Variants in SLC9A8 observed in about 807,000 individuals in gnomAD.
SLC9A8 encodes solute carrier family 9 member A8.
A neutral mutation model predicts 66.6 loss-of-function variants in SLC9A8; 48 were observed. That is an observed-to-expected ratio of 0.72 (90% CI 0.57 to 0.92). The LOEUF is 0.92. SLC9A8 is among the 40% of genes least tolerant of loss of function. The probability of loss-of-function intolerance (pLI) is 0.00; values close to 1 mark genes in which losing one functional copy is unlikely to be tolerated. For synonymous variants in SLC9A8, 274 were observed against 282.6 expected (o/e 0.97, Z 0.31); for missense variants, 599 against 747.3 (o/e 0.80, Z 2.31).
intron 10 of SLC9A8, among the ~76,000 whole-genome samples, chr20:49,874,092 A>C (rs751239549): frequency 3.3e-5 from 5 of 152,162 alleles, no homozygotes; most frequent in Admixed American, 6.5e-5. Context: ...TCTACTAAAA[A>C]TACAAAAAAT....
At chr20:49,857,434 A>G (rs1281037496) in intron 8 of SLC9A8, among the ~76,000 whole-genome samples, 3 of 152,222 alleles carry the variant, frequency 2.0e-5, no homozygotes, top group Non-Finnish European at 1.5e-5. Flanking sequence ...AAGGTACTAC[A>G]GGGCTGGGCG....
In SLC9A8 at chr20:49,823,179, A is replaced by G. The variant is rs199863462; in HGVS notation, c.289+38A>G. On this transcript the variant is annotated intron_variant, in intron 3 of 15. Transcript: ENST00000361573. ...TGGTGATTCCATAATAAAAGCAGTA[A>G]CAATAACTACCATTTTTTGAGTGCC... 3 of 1,486,814 alleles carry G rather than the reference A, an allele frequency of 2.0e-6. No individual in the cohort carries two copies. In the Admixed American group the frequency reaches 5.1e-5, roughly 25 times the overall value. 92.1% of individuals were successfully genotyped at this position (1,486,814 alleles called of 1,614,324 possible). A position where few individuals can be genotyped will look rare whatever the true frequency, so the allele number is the denominator to read the frequency against.
chr20:49,817,017 C>T (rs2086573804), intron 2 of SLC9A8, among the ~76,000 whole-genome samples: 2 of 151,806 alleles, frequency 1.3e-5, no homozygotes, highest in African/African-American at 4.8e-5. Flanking sequence ...CGTGAGCCAC[C>T]ACGCCCAGCC....
chr20:49,841,572 A>G (rs976626449), intron 4 of SLC9A8, among the ~76,000 whole-genome samples: 1 of 151,434 alleles, frequency 6.6e-6, no homozygotes, highest in African/African-American at 2.4e-5. Flanking sequence ...ATGTATATAT[A>G]TATAAATTAT....
intron 3 of SLC9A8, among the ~76,000 whole-genome samples, chr20:49,834,212 TATAC>T (rs1375842384): frequency 5.4e-4 from 64 of 119,456 alleles, no homozygotes; most frequent in African/African-American, 2.2e-3. Context: ...TATATATATA[TATAC>T]ACACACACAC....
At chr20:49,874,228 A>T (rs1175306612) in intron 10 of SLC9A8, among the ~76,000 whole-genome samples, 2 of 151,800 alleles carry the variant, frequency 1.3e-5, no homozygotes, top group African/African-American at 4.8e-5. Flanking sequence ...ATTGCACTCC[A>T]GCCTGGGTGA....
intron 4 of SLC9A8, among the ~76,000 whole-genome samples, chr20:49,841,097 G>C (rs1458407383): frequency 6.6e-6 from 1 of 152,158 alleles, no homozygotes; most frequent in African/African-American, 2.4e-5. Flanking sequence ...CTGAGGTCAG[G>C]AGTTTGAGAC....
intron 13 of SLC9A8, 83 bp from the exon 14 acceptor site, chr20:49,883,763 G>A (rs2089717232): frequency 8.9e-7 from 1 of 1,120,398 alleles, no homozygotes. Flanking sequence ...CGTGGTGCTG[G>A]GCCGGCTGGA....
chr20:49,882,054 C>A lies in SLC9A8; in HGVS notation c.1270+1019C>A, dbSNP rs755117784. ...CATCCAGGCTTTCCTGGATCCTCAA[C>A]GAGGGGCACTGAACAAGCCTCTGCT... On this transcript the variant is annotated intron_variant, in intron 13 of 15. Transcript: ENST00000361573. Among the ~76,000 whole-genome samples, 5 of 152,242 alleles carry A rather than the reference C, an allele frequency of 3.3e-5. No homozygotes were observed. In the East Asian group the frequency reaches 9.7e-4, roughly 29 times the overall value.
In SLC9A8 at chr20:49,830,330, A is replaced by G; in HGVS notation, c.289+7189A>G. On this transcript the variant is annotated intron_variant, in intron 3 of 15. Transcript: ENST00000361573. The stretch of plus-strand genomic sequence containing the variant: ...CTGTCTGGAACCGCACTGCCAAGAA[A>G]CGTGATTTGTTCATCTAGGAGGGGG... The G allele has an allele frequency of 4.9e-6, 5 of 1,016,318 alleles. No individual in the cohort carries two copies. In the East Asian group the frequency reaches 7.2e-5, roughly 15 times the overall value. The allele number at this position is 1,016,318 out of a possible 1,614,324, so 63.0% of individuals were successfully genotyped here. A position where few individuals can be genotyped will look rare whatever the true frequency, so the allele number is the denominator to read the frequency against.
At chr20:49,822,651 G>A (rs2086782669) in intron 2 of SLC9A8, among the ~76,000 whole-genome samples, 1 of 152,256 alleles carries the variant, frequency 6.6e-6, no homozygotes, top group South Asian at 2.1e-4. Flanking sequence ...GTTGGGTGTG[G>A]TGTCATGTGT....
intron 13 of SLC9A8, 49 bp downstream of exon 13, chr20:49,881,084 A>G (rs1411057788): frequency 7.7e-7 from 1 of 1,298,118 alleles, no homozygotes; most frequent in African/African-American, 1.5e-5. Flanking sequence ...TGTTAAAAGC[A>G]CGCCCCATAC....
chr20:49,886,413 T>G lies in SLC9A8; in HGVS notation c.1492-339T>G. 5.0e-6 allele frequency: 1 copy of G among 199,108 alleles called. No homozygotes were observed. The highest frequency in any genetic ancestry group is 1.5e-4 in the South Asian group (1 of 6,578). The allele number at this position is 199,108 out of a possible 1,614,324, so 12.3% of individuals were successfully genotyped here. A position where few individuals can be genotyped will look rare whatever the true frequency, so the allele number is the denominator to read the frequency against. Reference sequence around the variant, plus strand: ...AGAGACAAAAAGCCTCCCTGTGCGATTTGCTGCTAATGAAAAGCCCAGAAC... The same window carrying G: ...AGAGACAAAAAGCCTCCCTGTGCGAGTTGCTGCTAATGAAAAGCCCAGAAC... On this transcript the variant is annotated intron_variant, in intron 14 of 15. Transcript: ENST00000361573. This position sits in a 1 kb window ranked among gnomAD's most constrained non-coding sequence, Gnocchi z 4.8.
Position 49,822,907 on chromosome 20 carries a change from G to C in SLC9A8, c.209-154G>C, listed in dbSNP as rs143704323. ...TAAATGTACCTCCAGTTTAAGAAAT[G>C]AGACACGAAAAACACCGCTGAAGTT... On this transcript the variant is annotated intron_variant, in intron 2 of 15. Coordinates refer to ENST00000361573, the MANE Select transcript of SLC9A8 (RefSeq NM_015266.3). Among the ~76,000 whole-genome samples, 503 of 152,252 alleles carry C rather than the reference G, an allele frequency of 3.3e-3. 1 individual carries two copies. The highest frequency in any genetic ancestry group is 0.024 in the Middle Eastern group (7 of 294).
intron 14 of SLC9A8, among the ~76,000 whole-genome samples, chr20:49,884,337 C>CACACACACACACACACACACACACA (rs1555848454): frequency 3.3e-4 from 24 of 72,348 alleles, no homozygotes; most frequent in African/African-American, 8.2e-4. Flanking sequence ...CACACACACA[C>CACACACACACACACACACACACACA]CCCCCGGTCA....
chr20:49,863,547 T>A (rs975468977), intron 9 of SLC9A8, among the ~76,000 whole-genome samples: 1 of 152,006 alleles, frequency 6.6e-6, no homozygotes, highest in African/African-American at 2.4e-5. Flanking sequence ...TAGTGAGACC[T>A]CATCTCTAAA....
intron 5 of SLC9A8, 21 bp from the exon 6 acceptor site, chr20:49,849,558 G>C: frequency 1.3e-6 from 2 of 1,583,960 alleles, no homozygotes; most frequent in South Asian, 2.2e-5. Flanking sequence ...TCATTTCCCT[G>C]ATTTCTGCTC....
chr20:49,820,967 A>C (rs917284022), intron 2 of SLC9A8, among the ~76,000 whole-genome samples: 1 of 152,188 alleles, frequency 6.6e-6, no homozygotes, highest in Non-Finnish European at 1.5e-5. Context: ...ATGCCCGTTT[A>C]AAAGCTGTGG....
chr20:49,822,523 G>A (rs993848033), intron 2 of SLC9A8, among the ~76,000 whole-genome samples: 1 of 152,160 alleles, frequency 6.6e-6, no homozygotes, highest in Non-Finnish European at 1.5e-5. Flanking sequence ...CGTGGCTCAC[G>A]CCTGTAATCC....
Sources: gnomAD v4.1 joint callset for allele counts (sites outside exome capture counted in the v4.1 genomes callset) on GRCh38, gnomAD v4.1.1 for gene constraint, Gnocchi (gnomAD v3.1) non-coding constraint, MANE v1.5 for transcripts, NCBI Gene and HGNC (gene_info 2026-07-23, HGNC 2026-07-21) for gene names.